Variants in PLA2R1 observed in about 807,000 individuals in gnomAD.
PLA2R1 encodes the protein phospholipase A2 receptor 1, also known as secretory phospholipase A2 receptor.
Under a neutral mutation model 195.9 loss-of-function variants are expected in PLA2R1, and 158 were observed. That is an observed-to-expected ratio of 0.81 (90% confidence interval 0.71 to 0.92). The LOEUF (loss-of-function observed/expected upper bound fraction) is 0.92, where lower values mean the gene tolerates loss of function less well. Among genes scored for constraint, PLA2R1 ranks in the 40% least tolerant of loss-of-function variants. The probability of loss-of-function intolerance (pLI) is 0.00; values close to 1 mark genes in which losing one functional copy is unlikely to be tolerated. For missense variants in PLA2R1, 1,626 were observed against 1,764.6 expected (o/e 0.92, Z 1.41); for synonymous variants, 586 against 598.2 (o/e 0.98, Z 0.30).
At chr2:159,997,187 G>A (rs374864992) in intron 11 of PLA2R1, among the ~76,000 whole-genome samples, 4 of 152,208 alleles carry the variant, frequency 2.6e-5, no homozygotes, top group South Asian at 2.1e-4. Context: ...GAGGGGAAGC[G>A]TTCTACAATT....
chr2:159,988,705 TA>T (rs1339030304), intron 11 of PLA2R1, among the ~76,000 whole-genome samples: 1 of 152,240 alleles, frequency 6.6e-6, no homozygotes, highest in Non-Finnish European at 1.5e-5. Flanking sequence ...TGCTACTTGA[TA>T]TTTATCTTGC....
chr2:159,975,969 T>C (rs1689521097), intron 17 of PLA2R1, 99 bp downstream of exon 17: 2 of 864,330 alleles, frequency 2.3e-6, no homozygotes, highest in Admixed American at 2.3e-5. Context: ...TTTAAATAAA[T>C]ATCCGAAGTC....
Position 160,062,342 on chromosome 2 carries a change from TC to T in PLA2R1, c.61del (p.Glu21ArgfsTer39), listed in dbSNP as rs1449788507. ...LLLGAPRGCA[E>X]GVAAALTPER... is the part of the protein sequence containing the mutation. Reference sequence around the variant, plus strand: ...GGGGGTAAGCGCCGCCGCCACACCCTCGGCGCAGCCCCGCGGCGCCCCCAGC... The same window carrying T: ...GGGGGTAAGCGCCGCCGCCACACCCTGGCGCAGCCCCGCGGCGCCCCCAGC... On this transcript the variant is annotated frameshift_variant, in exon 1 of 30. Transcript: ENST00000283243. LOFTEE classifies it high-confidence loss of function. 1.3e-6 allele frequency: 2 copies of T among 1,511,728 alleles called. No homozygotes were observed. The highest frequency in any genetic ancestry group is 5.4e-5 in the East Asian group (2 of 37,162). The allele number at this position is 1,511,728 out of a possible 1,614,324, so 93.6% of individuals were successfully genotyped here. A position where few individuals can be genotyped will look rare whatever the true frequency, so the allele number is the denominator to read the frequency against.
intron 17 of PLA2R1, among the ~76,000 whole-genome samples, chr2:159,970,792 G>A (rs1689107890): frequency 6.6e-6 from 1 of 152,122 alleles, no homozygotes; most frequent in Non-Finnish European, 1.5e-5. Flanking sequence ...ATGAGTTCAT[G>A]TCCTTTGCAG....
In PLA2R1 at chr2:159,949,658, C is replaced by A. The variant is rs1191519989; in HGVS notation, c.3659G>T (p.Ser1220Ile). 7 of 1,614,038 alleles carry A rather than the reference C, an allele frequency of 4.3e-6. No homozygotes were observed. Among genetic ancestry groups the A allele is most frequent in the Non-Finnish European group, 5.9e-6 (7 of 1,179,894 alleles). Residue 1220 changes from serine to isoleucine, a missense_variant, in exon 25 of 30, where the codon AGC (serine) becomes ATC (isoleucine). Physicochemically the swap from Ser to Ile is moderately radical, Grantham distance 142. Transcript: ENST00000283243. ...VFADSNGRWH[S>I]TACESFLQGA... ...TTGCAGAAATGACTCGCAGGCTGTG[C>A]TATGCCAGCGTCCGTTGCTGTCGGC...
Position 160,044,795 on chromosome 2 carries a change from T to G in PLA2R1, c.472A>C (p.Ile158Leu). 1 of 1,612,084 alleles carries G rather than the reference T, an allele frequency of 6.2e-7. No homozygotes were observed. The highest frequency in any genetic ancestry group is 8.5e-7 in the Non-Finnish European group (1 of 1,178,414). The change falls in exon 2 of 30, where the codon ATT becomes CTT. Residue 158 changes from isoleucine (I) to leucine (L), a missense_variant. By Grantham distance (5) the Ile-to-Leu change is conservative. Transcript: ENST00000283243. ...WISYGSGGGD[I>L]CEYLHKDLHT... ...TTACCTTTGTGTAGATATTCACAAA[T>G]GTCTCCACCACCTGACCCATAAGAA...
At chr2:159,982,230 T>C (rs935137976) in intron 13 of PLA2R1, among the ~76,000 whole-genome samples, 2 of 152,262 alleles carry the variant, frequency 1.3e-5, no homozygotes. Flanking sequence ...GACTATCACC[T>C]ATCCCTTGGA....
At chr2:159,944,583 C>A (rs1427155293) in intron 28 of PLA2R1, among the ~76,000 whole-genome samples, 2 of 152,150 alleles carry the variant, frequency 1.3e-5, no homozygotes, top group East Asian at 3.9e-4. Flanking sequence ...GAGTAGCAGT[C>A]ACCAGAATGA....
intron 1 of PLA2R1, among the ~76,000 whole-genome samples, chr2:160,051,311 C>T (rs994132245): frequency 2.0e-5 from 3 of 152,210 alleles, no homozygotes; most frequent in Non-Finnish European, 4.4e-5. Context: ...AGGCTGCAAC[C>T]CAATTTCAAT....
intron 4 of PLA2R1, among the ~76,000 whole-genome samples, chr2:160,029,549 T>A (rs946594835): frequency 6.6e-6 from 1 of 152,136 alleles, no homozygotes; most frequent in Non-Finnish European, 1.5e-5. Context: ...GCTGGCTCTG[T>A]GGCCCCTCCT....
At chr2:159,977,050 C>A (rs1207864660) in intron 15 of PLA2R1, among the ~76,000 whole-genome samples, 1 of 152,224 alleles carries the variant, frequency 6.6e-6, no homozygotes, top group Non-Finnish European at 1.5e-5. Context: ...ACTATACTTG[C>A]ACTATAAATA....
At chr2:160,005,540 T>A in intron 11 of PLA2R1, 112 bp downstream of exon 11, 1 of 767,364 alleles carries the variant, frequency 1.3e-6, no homozygotes, top group Non-Finnish European at 2.1e-6. Context: ...TTGTAATTGA[T>A]TTAGGCATTA....
In PLA2R1 at chr2:159,947,236, A is replaced by G. The variant is rs758614882; in HGVS notation, c.3850+183T>C. On this transcript the variant is annotated intron_variant, in intron 26 of 29. Transcript: ENST00000283243. ...TAGGTTTCCAAATTCTACACTGGAC[A>G]TTGTTTCATATAGTAGCTGTCCTCC... Among the ~76,000 whole-genome samples the G allele has an allele frequency of 9.2e-5, 14 of 152,334 alleles. No individual in the cohort carries two copies. The South Asian group carries it at 1.4e-3, about 16-fold the overall frequency.
At chr2:160,007,235 A>G (rs890365532) in intron 10 of PLA2R1, among the ~76,000 whole-genome samples, 1 of 152,176 alleles carries the variant, frequency 6.6e-6, no homozygotes, top group African/African-American at 2.4e-5. Context: ...TGCTCTCAAT[A>G]ATATACGATC....
intron 18 of PLA2R1, among the ~76,000 whole-genome samples, chr2:159,969,565 T>C (rs1689009494): frequency 6.6e-6 from 1 of 152,152 alleles, no homozygotes; most frequent in Non-Finnish European, 1.5e-5. Context: ...TTTTTTGAGA[T>C]GGAGTCTCTC....
intron 11 of PLA2R1, among the ~76,000 whole-genome samples, chr2:159,993,368 A>T (rs1044824678): frequency 1.3e-5 from 2 of 152,004 alleles, no homozygotes; most frequent in African/African-American, 2.4e-5. Context: ...AAAGAAAGGA[A>T]ATCCAGTTAA....
chr2:160,027,420 C>G (rs1263687124), intron 6 of PLA2R1, among the ~76,000 whole-genome samples: 4 of 152,114 alleles, frequency 2.6e-5, no homozygotes, highest in African/African-American at 7.2e-5. Flanking sequence ...GGAAAAATCT[C>G]TACATAAAAA....
intron 22 of PLA2R1, 144 bp from the exon 23 acceptor site, chr2:159,955,490 A>C (rs910453235): frequency 1.8e-6 from 1 of 552,078 alleles, no homozygotes; most frequent in African/African-American, 2.0e-5. Context: ...AAGTCATTTC[A>C]TAACCTACAA....
At chr2:159,928,031 A>G (rs977797513), downstream of PLA2R1, among the ~76,000 whole-genome samples, 14 of 152,334 alleles carry the variant, frequency 9.2e-5, no homozygotes, top group East Asian at 2.7e-3. Context: ...GTTGTCTTCA[A>G]AGAAAAGGAA....
Sources: allele counts gnomAD v4.1 joint callset (sites outside exome capture counted in the v4.1 genomes callset), GRCh38; gene constraint gnomAD v4.1.1; transcripts MANE v1.5; gene names NCBI Gene and HGNC (gene_info 2026-07-23, HGNC 2026-07-21).